The following S100A9 variants were observed in gnomAD, a reference collection of about 807,000 sequenced individuals.
The protein encoded by S100A9 is S100 calcium binding protein A9.
In S100A9, 2 loss-of-function variants were observed where a neutral mutation model predicts 4.3. That is an observed-to-expected ratio of 0.47 (90% CI 0.19 to 1.48). S100A9 has a LOEUF of 1.48. S100A9 is among the 40% of genes most tolerant of loss of function. The pLI, the probability that S100A9 is intolerant of heterozygous loss-of-function variation, is 0.24. For synonymous variants in S100A9, 67 were observed against 54.0 expected, an observed-to-expected ratio of 1.24 and a Z score of -1.06; for missense variants, 130 against 144.4, an observed-to-expected ratio of 0.90 and a Z score of 0.51.
rs767015461 is a variant in S100A9, at chr1:153,358,290, T to G, written c.7T>G (p.Cys3Gly). MT[C>G]KMSQLERNIE... ...ACAGACAGAGTGCAAGACGATGACT[T>G]GCAAAATGTCGCAGCTGGAACGCAA... is the stretch of plus-strand genomic sequence containing the variant. Residue 3 changes from cysteine (C) to glycine (G), a missense_variant, in exon 2 of 3, where the codon TGC (cysteine) becomes GGC (glycine). Coordinates refer to ENST00000368738, the MANE Select transcript of S100A9 (RefSeq NM_002965.4). 6.3e-6 allele frequency: 10 copies of G among 1,596,240 alleles called. No individual in the cohort carries two copies. The East Asian group carries it at 2.0e-4, about 32-fold the overall frequency.
Position 153,360,926 on chromosome 1 carries a change from A to T in S100A9, c.*88A>T. ...CAGCCACTAATCAGGAGGCCAGGCC[A>T]CCCTGCCTCTACCCAACCAGGGCCC... On this transcript the variant is annotated 3_prime_UTR_variant, in exon 3 of 3. Coordinates refer to ENST00000368738, the MANE Select transcript of S100A9 (RefSeq NM_002965.4). 9.4e-7 allele frequency: 1 copy of T among 1,061,380 alleles called. No homozygotes were observed. Among genetic ancestry groups the T allele is most frequent in the Non-Finnish European group, 1.3e-6 (1 of 749,704 alleles). 65.7% of individuals were successfully genotyped at this position (1,061,380 alleles called of 1,614,324 possible). A position where few individuals can be genotyped will look rare whatever the true frequency, so the allele number is the denominator to read the frequency against.
At chr1:153,358,630 T>C (rs1219961843) in intron 2 of S100A9, among the ~76,000 whole-genome samples, 197 bp downstream of exon 2, 1 of 152,158 alleles carries the variant, frequency 6.6e-6, no homozygotes, top group Admixed American at 6.5e-5. Flanking sequence ...AATTGCTCAA[T>C]TGAACACCTG....
At chr1:153,360,187 G>A (rs1432942944) in intron 2 of S100A9, among the ~76,000 whole-genome samples, 1 of 152,170 alleles carries the variant, frequency 6.6e-6, no homozygotes, top group Non-Finnish European at 1.5e-5. Context: ...CAGAGGGGTA[G>A]CAGAGTGGAA....
At position 153,360,942 on chromosome 1, in the gene S100A9, A is replaced by C; in HGVS notation, c.*104A>C. 11 of 852,232 alleles carry C rather than the reference A, an allele frequency of 1.3e-5. No homozygotes were observed. The highest frequency in any genetic ancestry group is 2.0e-5 in the Non-Finnish European group (11 of 558,636). 52.8% of individuals were successfully genotyped at this position (852,232 alleles called of 1,614,324 possible). On this transcript the variant is annotated 3_prime_UTR_variant, in exon 3 of 3. Coordinates refer to ENST00000368738, the MANE Select transcript of S100A9 (RefSeq NM_002965.4). ...GGCCAGGCCACCCTGCCTCTACCCA[A>C]CCAGGGCCCCGGGGCCTGTTATGTC...
chr1:153,357,974 G>A, intron 1 of S100A9, 93 bp downstream of exon 1: 1 of 193,532 alleles, frequency 5.2e-6, no homozygotes, highest in Non-Finnish European at 1.1e-5. Context: ...CCTCCTCCTA[G>A]AAGCCCTCCT....
At chr1:153,360,326 T>C (rs1169562513) in intron 2 of S100A9, among the ~76,000 whole-genome samples, 1 of 152,150 alleles carries the variant, frequency 6.6e-6, no homozygotes, top group Non-Finnish European at 1.5e-5. Context: ...AAAGTTGTTA[T>C]AAGGACCAAA....
chr1:153,359,791 C>T (rs1200552956), intron 2 of S100A9, among the ~76,000 whole-genome samples: 2 of 150,412 alleles, frequency 1.3e-5, no homozygotes, highest in African/African-American at 4.9e-5. Flanking sequence ...TGGGTTCAAG[C>T]GATTCTCCTG....
chr1:153,357,877 C>T lies in S100A9; in HGVS notation c.-20C>T, dbSNP rs968737648. The T allele has an allele frequency of 6.4e-6, 1 of 156,300 alleles. No homozygotes were observed. Among genetic ancestry groups the T allele is most frequent in the African/African-American group, 2.4e-5 (1 of 41,568 alleles). 9.7% of individuals were successfully genotyped at this position (156,300 alleles called of 1,614,324 possible). A position where few individuals can be genotyped will look rare whatever the true frequency, so the allele number is the denominator to read the frequency against. On this transcript the variant is annotated 5_prime_UTR_variant, in exon 1 of 3. Coordinates refer to ENST00000368738, the MANE Select transcript of S100A9 (RefSeq NM_002965.4). ...GCAAACACTCTGTGTGGCTCCTCGG[C>T]TTTGGTAAGTGAGCTGCCAGCTTCC...
chr1:153,358,324 C>T lies in S100A9; in HGVS notation c.41C>T (p.Thr14Ile), dbSNP rs1323970890. Residue 14 changes from threonine to isoleucine, a missense_variant, in exon 2 of 3, where the codon ACC becomes ATC. Coordinates refer to ENST00000368738, the MANE Select transcript of S100A9 (RefSeq NM_002965.4). Reference protein sequence around the residue: ...KMSQLERNIETIINTFHQYSV... With the variant: ...KMSQLERNIEIIINTFHQYSV... ...TCGCAGCTGGAACGCAACATAGAGA[C>T]CATCATCAACACCTTCCACCAATAC... 5.6e-6 allele frequency: 9 copies of T among 1,611,950 alleles called. No homozygotes were observed. Among genetic ancestry groups the T allele is most frequent in the East Asian group, 2.2e-5 (1 of 44,844 alleles).
At chr1:153,359,599 G>C (rs1661410977) in intron 2 of S100A9, among the ~76,000 whole-genome samples, 2 of 151,954 alleles carry the variant, frequency 1.3e-5, no homozygotes, top group South Asian at 4.2e-4. Flanking sequence ...GACTCAGCCA[G>C]AGGGTGGCAG....
chr1:153,358,400 G>A lies in S100A9; in HGVS notation c.117G>A (p.Glu39=), dbSNP rs1199531865. 3 of 1,612,632 alleles carry A rather than the reference G, an allele frequency of 1.9e-6. No individual in the cohort carries two copies. The highest frequency in any genetic ancestry group is 2.5e-6 in the Non-Finnish European group (3 of 1,179,184). Residue 39 remains glutamate (E), a synonymous_variant, in exon 2 of 3, where the codon GAG becomes GAA. Transcript: ENST00000368738. ...PDTLNQGEFK[E]LVRKDLQNFL... The stretch of plus-strand genomic sequence containing the variant: ...CCCTGAACCAGGGGGAATTCAAAGA[G>A]CTGGTGCGAAAAGATCTGCAAAATT...
At chr1:153,360,611 C>G (rs937698448) in intron 2 of S100A9, 33 bp from the exon 3 acceptor site, 2 of 1,510,100 alleles carry the variant, frequency 1.3e-6, no homozygotes, top group Non-Finnish European at 1.8e-6. Flanking sequence ...CTGGCCACAC[C>G]CAGCTCTCAC....
At chr1:153,358,126 A>G (rs893575232) in intron 1 of S100A9, 143 bp from the exon 2 acceptor site, 1 of 541,150 alleles carries the variant, frequency 1.8e-6, no homozygotes, top group Non-Finnish European at 3.4e-6. Flanking sequence ...GTGACAGGCC[A>G]TCTCCCAGTT....
chr1:153,359,150 T>C (rs1661400034), intron 2 of S100A9, among the ~76,000 whole-genome samples: 2 of 152,224 alleles, frequency 1.3e-5, no homozygotes, highest in Admixed American at 6.5e-5. Flanking sequence ...TTTGTTTTCT[T>C]TTCAAATTTG....
rs1237473855 is a variant in S100A9, at chr1:153,358,389, G to A, written c.106G>A (p.Glu36Lys). The A allele has an allele frequency of 6.2e-7, 1 of 1,613,038 alleles. No individual in the cohort carries two copies. The highest frequency in any genetic ancestry group is 2.2e-5 in the East Asian group (1 of 44,876). ...LGHPDTLNQG[E>K]FKELVRKDLQ... is the part of the protein sequence containing the mutation. The stretch of plus-strand genomic sequence containing the variant: ...GCACCCAGACACCCTGAACCAGGGG[G>A]AATTCAAAGAGCTGGTGCGAAAAGA... Residue 36 changes from glutamate (E) to lysine (K), a missense_variant, in exon 2 of 3, where the codon GAA becomes AAA. Transcript: ENST00000368738.
Position 153,360,635 on chromosome 1 carries a change from C to T in S100A9, c.151-9C>T, listed in dbSNP as rs760556773. The T allele has an allele frequency of 1.9e-6, 3 of 1,591,078 alleles. No individual in the cohort carries two copies. Among genetic ancestry groups the T allele is most frequent in the Middle Eastern group, 1.7e-4 (1 of 5,964 alleles). On this transcript the variant is annotated splice_polypyrimidine_tract_variant and intron_variant, in intron 2 of 2. Transcript: ENST00000368738. ...CCCAGCTCTCACAGCCTTCTCTCCC[C>T]ACCCGCAGAAGGAGAATAAGAATGA...
Position 153,360,779 on chromosome 1 carries a change from G to C in S100A9, c.286G>C (p.Glu96Gln). Residue 96 changes from glutamate to glutamine, a missense_variant, in exon 3 of 3, where the codon GAG (glutamate) becomes CAG (glutamine). Transcript: ENST00000368738. ...LTWASHEKMH[E>Q]GDEGPGHHHK... is the part of the protein sequence containing the mutation. ...CTGGGCCTCCCACGAGAAGATGCAC[G>C]AGGGTGACGAGGGCCCTGGCCACCA... The C allele has an allele frequency of 6.2e-7, 1 of 1,614,008 alleles. No individual in the cohort carries two copies. The highest frequency in any genetic ancestry group is 8.5e-7 in the Non-Finnish European group (1 of 1,179,956).
rs1483376383 is a variant in S100A9 at position 153,360,890 on chromosome 1, G to A, written c.*52G>A. ...CCACGGCCACGGCCACAGTCATGGT[G>A]GCCACGGCCACAGCCACTAATCAGG... On this transcript the variant is annotated 3_prime_UTR_variant, in exon 3 of 3. Coordinates refer to ENST00000368738, the MANE Select transcript of S100A9 (RefSeq NM_002965.4). 1.4e-6 allele frequency: 2 copies of A among 1,381,828 alleles called. No homozygotes were observed. Among genetic ancestry groups the A allele is most frequent in the African/African-American group, 3.0e-5 (2 of 66,362 alleles). 85.6% of individuals were successfully genotyped at this position (1,381,828 alleles called of 1,614,324 possible).
At chr1:153,358,629 A>G (rs768602508) in intron 2 of S100A9, among the ~76,000 whole-genome samples, 196 bp downstream of exon 2, 4 of 152,192 alleles carry the variant, frequency 2.6e-5, no homozygotes, top group African/African-American at 2.4e-5. Flanking sequence ...AAATTGCTCA[A>G]TTGAACACCT....
Sources: allele counts gnomAD v4.1 joint callset (sites outside exome capture counted in the v4.1 genomes callset), GRCh38; gene constraint gnomAD v4.1.1; transcripts MANE v1.5; gene names NCBI Gene and HGNC (gene_info 2026-07-23, HGNC 2026-07-21).